RGS7: variants seen among roughly 807,000 people sequenced by gnomAD.
RGS7 encodes regulator of G-protein signaling 7.
Under a neutral mutation model 81.1 loss-of-function variants are expected in RGS7, and 27 were observed. The ratio of observed to expected loss-of-function variants is 0.33; its 90% CI spans 0.25 to 0.46. RGS7 has a LOEUF of 0.46. RGS7 is among the 20% of genes least tolerant of loss of function. The pLI, the probability that RGS7 is intolerant of heterozygous loss-of-function variation, is 1.00. For synonymous variants in RGS7, 208 were observed against 207.7 expected, an observed-to-expected ratio of 1.00 and a Z score of -0.01; for missense variants, 396 against 607.4, an observed-to-expected ratio of 0.65 and a Z score of 3.66.
chr1:241,192,214 T>C (rs2072729412), intron 2 of RGS7, among the ~76,000 whole-genome samples: 1 of 109,614 alleles, frequency 9.1e-6, no homozygotes, highest in Non-Finnish European at 2.1e-5. Context: ...GTGTTTTGCT[T>C]TGATTTTGAT....
At chr1:240,822,561 A>G (rs1262301549) in intron 10 of RGS7, among the ~76,000 whole-genome samples, 1 of 152,224 alleles carries the variant, frequency 6.6e-6, no homozygotes, top group African/African-American at 2.4e-5. Context: ...TATTTAATGC[A>G]TTTACTTTCA....
intron 10 of RGS7, among the ~76,000 whole-genome samples, chr1:240,826,448 G>C (rs1173918052): frequency 6.6e-6 from 1 of 152,152 alleles, no homozygotes; most frequent in Admixed American, 6.5e-5. Context: ...AAAAGACCTT[G>C]AACTTTGTGG....
At chr1:240,810,143 G>A (rs1263857785) in intron 14 of RGS7, among the ~76,000 whole-genome samples, 3 of 151,966 alleles carry the variant, frequency 2.0e-5, no homozygotes, top group Non-Finnish European at 4.4e-5. Context: ...GTATCCCTTC[G>A]CTGATCTCTA....
chr1:241,163,040 A>G lies in RGS7; in HGVS notation c.79-64278T>C, dbSNP rs1255276950. ...TTAAATTGTTTTGGAATTTGCCACT[A>G]CATAAACTATATAATAGGGGCAGAT... is the stretch of plus-strand genomic sequence containing the variant. On this transcript the variant is annotated intron_variant, in intron 2 of 18. Coordinates refer to ENST00000440928, the MANE Select transcript of RGS7 (RefSeq NM_001364886.1). The surrounding 1 kb of genome is among the most constrained non-coding windows in gnomAD (Gnocchi z 4.6). 6.6e-6 allele frequency among the ~76,000 whole-genome samples: 1 copy of G among 152,216 alleles called. No individual in the cohort carries two copies. Among genetic ancestry groups the G allele is most frequent in the Non-Finnish European group, 1.5e-5 (1 of 68,042 alleles).
chr1:241,045,623 C>G (rs755716765), intron 3 of RGS7, among the ~76,000 whole-genome samples: 1 of 152,184 alleles, frequency 6.6e-6, no homozygotes, highest in Admixed American at 6.5e-5. Flanking sequence ...CTCAGCCTCC[C>G]AAACTGCTGG....
chr1:240,830,454 G>A (rs1693630292), intron 9 of RGS7, among the ~76,000 whole-genome samples: 1 of 152,156 alleles, frequency 6.6e-6, no homozygotes, highest in South Asian at 2.1e-4. Context: ...TGGCCCTCTG[G>A]CCCCACTGCA....
chr1:240,953,495 G>C (rs1230834525), intron 4 of RGS7, among the ~76,000 whole-genome samples: 1 of 151,746 alleles, frequency 6.6e-6, no homozygotes, highest in East Asian at 1.9e-4. Context: ...GTAACCCATA[G>C]GTCAAAGAAA....
intron 2 of RGS7, among the ~76,000 whole-genome samples, chr1:241,174,676 C>G (rs183702053): frequency 6.6e-6 from 1 of 152,196 alleles, no homozygotes; most frequent in Admixed American, 6.5e-5. Context: ...GAACACACCC[C>G]AACACTGGGC....
chr1:240,954,060 G>A (rs976243163), intron 4 of RGS7, among the ~76,000 whole-genome samples: 1 of 151,976 alleles, frequency 6.6e-6, no homozygotes, highest in Non-Finnish European at 1.5e-5. Context: ...AAGATGAAAT[G>A]GGTAGCCTGA....
intron 18 of RGS7, among the ~76,000 whole-genome samples, chr1:240,791,685 T>C (rs1398319950): frequency 6.6e-6 from 1 of 152,200 alleles, no homozygotes; most frequent in Non-Finnish European, 1.5e-5. Context: ...AGATGACTTG[T>C]TGATGACCCA....
intron 6 of RGS7, among the ~76,000 whole-genome samples, chr1:240,886,712 T>C (rs2148120421): frequency 6.6e-6 from 1 of 152,298 alleles, no homozygotes; most frequent in African/African-American, 2.4e-5. Flanking sequence ...GCTAAATTAC[T>C]CAGGACATTA....
chr1:241,103,165 G>A (rs28483132), intron 2 of RGS7, among the ~76,000 whole-genome samples: 14,519 of 152,018 alleles, frequency 0.096, 1,604 homozygotes, highest in African/African-American at 0.27. Flanking sequence ...GTATGTGTGT[G>A]TATATATATG....
intron 4 of RGS7, among the ~76,000 whole-genome samples, chr1:240,956,215 A>T (rs1413120767): frequency 6.6e-6 from 1 of 152,212 alleles, no homozygotes; most frequent in African/African-American, 2.4e-5. Context: ...GGCTGGGAAC[A>T]AAAGCAACAA....
intron 2 of RGS7, among the ~76,000 whole-genome samples, chr1:241,238,205 G>C (rs2076083222): frequency 6.6e-6 from 1 of 152,180 alleles, no homozygotes; most frequent in Non-Finnish European, 1.5e-5. Context: ...GACCGACCCA[G>C]ACAGTCTTTT....
At position 240,922,067 on chromosome 1, in the gene RGS7, G is replaced by C. The variant is rs553314269; in HGVS notation, c.385+8650C>G. On this transcript the variant is annotated intron_variant, in intron 6 of 18. Coordinates refer to ENST00000440928, the MANE Select transcript of RGS7 (RefSeq NM_001364886.1). ...AGAAAAAAAATAAATCAAGGAAAAA[G>C]AATAGAGATTTCAGGAAGAGACTTA... Among the ~76,000 whole-genome samples the C allele has an allele frequency of 1.4e-3, 206 of 151,956 alleles. 3 individuals carry two copies. The highest frequency in any genetic ancestry group is 4.5e-3 in the African/African-American group (186 of 41,478).
intron 4 of RGS7, among the ~76,000 whole-genome samples, chr1:240,948,857 T>C (rs1302304102): frequency 6.7e-6 from 1 of 150,058 alleles, no homozygotes; most frequent in African/African-American, 2.4e-5. Context: ...ATTATATATA[T>C]ATAATTTAAA....
chr1:241,234,687 C>A (rs1401980648), intron 2 of RGS7, among the ~76,000 whole-genome samples: 2 of 152,050 alleles, frequency 1.3e-5, no homozygotes, highest in Admixed American at 1.3e-4. Context: ...ACACAATTCT[C>A]CCTGCTTTAG....
intron 6 of RGS7, chr1:240,919,832 A>G: frequency 2.6e-6 from 2 of 774,038 alleles, no homozygotes; most frequent in Non-Finnish European, 4.6e-6. Context: ...GGTTTGTCAC[A>G]TAGGCCACTG....
At chr1:241,117,279 A>AC (rs1289965818) in intron 2 of RGS7, among the ~76,000 whole-genome samples, 1 of 152,170 alleles carries the variant, frequency 6.6e-6, no homozygotes, top group African/African-American at 2.4e-5. Flanking sequence ...AAATGCTCCT[A>AC]CTTCAAGTTC....
Sources: gnomAD v4.1 joint callset for allele counts (sites outside exome capture counted in the v4.1 genomes callset) on GRCh38, gnomAD v4.1.1 for gene constraint, Gnocchi (gnomAD v3.1) non-coding constraint, MANE v1.5 for transcripts, NCBI Gene and HGNC (gene_info 2026-07-23, HGNC 2026-07-21) for gene names.